Variants in GRHL2 observed in about 807,000 individuals in gnomAD.
GRHL2 encodes grainyhead-like protein 2 homolog.
Under a neutral mutation model 83.8 loss-of-function variants are expected in GRHL2, and 21 were observed. The observed-to-expected ratio is 0.25, with a 90% CI of 0.18 to 0.36. The LOEUF (loss-of-function observed/expected upper bound fraction) is 0.36, where lower values mean the gene tolerates loss of function less well. GRHL2 is among the 10% of genes least tolerant of loss of function. GRHL2 has a pLI of 1.00. For synonymous variants in GRHL2, 280 were observed against 278.9 expected (o/e 1.00, Z -0.04); for missense variants, 623 against 781.8 (o/e 0.80, Z 2.42).
At chr8:101,587,250 A>G (rs1812187935) in intron 7 of GRHL2, among the ~76,000 whole-genome samples, 1 of 152,226 alleles carries the variant, frequency 6.6e-6, no homozygotes, top group Non-Finnish European at 1.5e-5. Context: ...CTACTCCTGG[A>G]AATGTTAAAG....
At chr8:101,547,410 C>T (rs906053869) in intron 2 of GRHL2, among the ~76,000 whole-genome samples, 2 of 152,180 alleles carry the variant, frequency 1.3e-5, no homozygotes, top group Non-Finnish European at 2.9e-5. Flanking sequence ...GTATATCACC[C>T]CTGTGGGGAC....
chr8:101,621,400 A>G (rs1226056208), intron 9 of GRHL2, among the ~76,000 whole-genome samples: 1 of 152,212 alleles, frequency 6.6e-6, no homozygotes, highest in African/African-American at 2.4e-5. Context: ...GAATGACTTG[A>G]AAAGAGATGA....
chr8:101,504,305 A>T (rs1810291172), intron 1 of GRHL2, among the ~76,000 whole-genome samples: 1 of 152,208 alleles, frequency 6.6e-6, no homozygotes, highest in African/African-American at 2.4e-5. Flanking sequence ...AGATTTGCAT[A>T]TGTGTTAAGT....
chr8:101,680,044 CATA>C, the GRHL2 span, among the ~76,000 whole-genome samples: 1 of 118,862 alleles, frequency 8.4e-6, no homozygotes, highest in Non-Finnish European at 1.7e-5. Flanking sequence ...CAGCTATCAT[CATA>C]ATGACAGGAT....
At chr8:101,569,177 G>T (rs572754424) in intron 4 of GRHL2, among the ~76,000 whole-genome samples, 2 of 152,138 alleles carry the variant, frequency 1.3e-5, no homozygotes, top group Non-Finnish European at 1.5e-5. Flanking sequence ...TACAATATTC[G>T]CTTCCGATCA....
At chr8:101,541,144 C>G (rs1298218393) in intron 1 of GRHL2, among the ~76,000 whole-genome samples, 1 of 120,828 alleles carries the variant, frequency 8.3e-6, no homozygotes. Flanking sequence ...AGTACTATTT[C>G]ATGGTGTGTG....
chr8:101,671,072 G>A (rs1814197724), downstream of GRHL2, among the ~76,000 whole-genome samples: 1 of 152,186 alleles, frequency 6.6e-6, no homozygotes, highest in African/African-American at 2.4e-5. Flanking sequence ...AACAGCTCCG[G>A]TCTACAGCTC....
intron 1 of GRHL2, among the ~76,000 whole-genome samples, chr8:101,506,772 G>A (rs1810348221): frequency 1.3e-5 from 2 of 151,766 alleles, no homozygotes; most frequent in Non-Finnish European, 2.9e-5. Flanking sequence ...AACAGTGTTT[G>A]AGGGTGTCTT....
At chr8:101,565,085 A>T (rs561657220) in intron 4 of GRHL2, among the ~76,000 whole-genome samples, 47 of 152,276 alleles carry the variant, frequency 3.1e-4, no homozygotes, top group African/African-American at 1.0e-3. Flanking sequence ...TACTCATTTT[A>T]CTTCTTATCC....
chr8:101,600,218 A>T (rs761897874), intron 8 of GRHL2, among the ~76,000 whole-genome samples: 4 of 152,202 alleles, frequency 2.6e-5, no homozygotes, highest in Non-Finnish European at 4.4e-5. Flanking sequence ...GTGGTGATAG[A>T]GTGCCCGTAC....
rs1429350286 is a variant in GRHL2, at chr8:101,669,118, G to A, written c.*2415G>A. ...GTGTATGTTAGCTGAACTTTGATGAGCAAAATTTCCTGAGCGAAACACTCC... is the reference window on the plus strand; with the variant it reads ...GTGTATGTTAGCTGAACTTTGATGAACAAAATTTCCTGAGCGAAACACTCC... On this transcript the variant is annotated 3_prime_UTR_variant, in exon 16 of 16. Transcript: ENST00000646743. 1 of 152,006 alleles carries A rather than the reference G, an allele frequency of 6.6e-6. No homozygotes were observed. The highest frequency in any genetic ancestry group is 1.5e-5 in the Non-Finnish European group (1 of 68,018). The allele number at this position is 152,006 out of a possible 1,614,324, so 9.4% of individuals were successfully genotyped here. A position where few individuals can be genotyped will look rare whatever the true frequency, so the allele number is the denominator to read the frequency against.
At chr8:101,553,936 C>T (rs889607258) in intron 3 of GRHL2, among the ~76,000 whole-genome samples, 1 of 152,060 alleles carries the variant, frequency 6.6e-6, no homozygotes, top group Admixed American at 6.6e-5. Context: ...CAAACTCACC[C>T]ACTTCTTTCA....
intron 1 of GRHL2, among the ~76,000 whole-genome samples, chr8:101,531,889 G>A (rs1391235129): frequency 1.3e-5 from 2 of 152,188 alleles, no homozygotes; most frequent in African/African-American, 2.4e-5. Flanking sequence ...TATCTAAAAC[G>A]AAACCATCTT....
chr8:101,548,670 C>T (rs1010249537), intron 2 of GRHL2, among the ~76,000 whole-genome samples: 5 of 152,138 alleles, frequency 3.3e-5, no homozygotes, highest in Admixed American at 6.5e-5. Context: ...ATCTAGGACT[C>T]AAGGGAAGAG....
At chr8:101,537,921 A>T (rs762737809) in intron 1 of GRHL2, among the ~76,000 whole-genome samples, 2 of 152,144 alleles carry the variant, frequency 1.3e-5, no homozygotes, top group African/African-American at 2.4e-5. Flanking sequence ...TTTTAAAAAA[A>T]TTTCTTTTCT....
chr8:101,535,135 G>A (rs879210214), intron 1 of GRHL2, among the ~76,000 whole-genome samples: 20 of 152,184 alleles, frequency 1.3e-4, no homozygotes, highest in Admixed American at 1.2e-3. Context: ...ATCTCCTGTG[G>A]TCACATTCTG....
chr8:101,666,666 T>C lies in GRHL2; in HGVS notation c.1841T>C (p.Met614Thr). ...EDTFILNMESMVEGFKVTLME... is the reference protein window; with the variant it reads ...EDTFILNMESTVEGFKVTLME... The stretch of plus-strand genomic sequence containing the variant: ...ACCTTCATCCTCAACATGGAGAGCA[T>C]GGTGGAGGGCTTCAAGGTCACGCTC... The change falls in exon 16 of 16, where the codon ATG becomes ACG. Residue 614 changes from methionine (M) to threonine (T), a missense_variant. Physicochemically the swap from Met to Thr is moderately conservative, Grantham distance 81. This residue lies in a region of GRHL2 where 210 missense variants were observed against 254.8 expected (regional missense o/e 0.82). Transcript: ENST00000646743. The C allele has an allele frequency of 1.9e-6, 3 of 1,613,468 alleles. No homozygotes were observed. The highest frequency in any genetic ancestry group is 2.2e-5 in the East Asian group (1 of 44,858).
intron 13 of GRHL2, among the ~76,000 whole-genome samples, chr8:101,646,868 G>T (rs1813520999): frequency 6.6e-6 from 1 of 152,226 alleles, no homozygotes; most frequent in South Asian, 2.1e-4. Flanking sequence ...AAGCTGTGGG[G>T]GTGGACTGTG....
At chr8:101,501,611 C>T (rs1032707745) in intron 1 of GRHL2, among the ~76,000 whole-genome samples, 1 of 151,958 alleles carries the variant, frequency 6.6e-6, no homozygotes, top group African/African-American at 2.4e-5. Flanking sequence ...GCTGCCGGGG[C>T]CTAGGGTGCG....
Sources: gnomAD v4.1 joint callset for allele counts (sites outside exome capture counted in the v4.1 genomes callset) on GRCh38, gnomAD v4.1.1 for gene constraint, gnomAD v4.1.1 regional missense constraint, MANE v1.5 for transcripts, NCBI Gene and HGNC (gene_info 2026-07-23, HGNC 2026-07-21) for gene names.